Variants in NIN observed in about 807,000 individuals in gnomAD.
NIN encodes glycogen synthase kinase 3 beta-interacting protein.
A neutral mutation model predicts 257.6 loss-of-function variants in NIN; 137 were observed. The observed-to-expected ratio is 0.53, with a 90% confidence interval of 0.46 to 0.61. The LOEUF is 0.61. NIN is among the 20% of genes least tolerant of loss of function. The pLI is 0.00. For missense variants in NIN, 2,439 were observed against 2,501.2 expected (o/e 0.98, Z 0.53); for synonymous variants, 918 against 919.8 (o/e 1.00, Z 0.04).
At chr14:50,730,486 C>T (rs544787285) in intron 28 of NIN, among the ~76,000 whole-genome samples, 1 of 152,204 alleles carries the variant, frequency 6.6e-6, no homozygotes, top group South Asian at 2.1e-4. Context: ...CAAGACTAAA[C>T]TCAAGAAGCG....
intron 14 of NIN, among the ~76,000 whole-genome samples, chr14:50,765,208 G>T (rs1343243495): frequency 6.6e-6 from 1 of 152,028 alleles, no homozygotes; most frequent in East Asian, 1.9e-4. Flanking sequence ...CCGTACTCCA[G>T]CCTGGGTGAC....
intron 4 of NIN, among the ~76,000 whole-genome samples, chr14:50,801,797 T>C (rs922130048): frequency 3.3e-5 from 5 of 152,230 alleles, no homozygotes; most frequent in African/African-American, 1.2e-4. Flanking sequence ...GAAACAATCA[T>C]CTGTACCAAA....
At chr14:50,728,286 T>C (rs1389352056) in intron 29 of NIN, among the ~76,000 whole-genome samples, 1 of 152,190 alleles carries the variant, frequency 6.6e-6, no homozygotes, top group Non-Finnish European at 1.5e-5. Context: ...CATCTAACAC[T>C]CTACCATCAC....
chr14:50,762,390 C>G (rs2042307651), intron 15 of NIN, among the ~76,000 whole-genome samples: 1 of 152,196 alleles, frequency 6.6e-6, no homozygotes, highest in Non-Finnish European at 1.5e-5. Flanking sequence ...GTCACACTAT[C>G]AACAACCCAT....
chr14:50,803,033 A>G (rs2044164835), intron 4 of NIN, among the ~76,000 whole-genome samples: 1 of 152,238 alleles, frequency 6.6e-6, no homozygotes, highest in African/African-American at 2.4e-5. Flanking sequence ...TACCATCTCC[A>G]TTGATTTCAA....
rs1280843991 is a variant in NIN at position 50,758,062 on chromosome 14, T to C, written c.2968A>G (p.Met990Val). 2 of 1,614,130 alleles carry C rather than the reference T, an allele frequency of 1.2e-6. No homozygotes were observed. The highest frequency in any genetic ancestry group is 1.3e-5 in the African/African-American group (1 of 74,942). The change falls in exon 18 of 31, where the codon ATG becomes GTG. Residue 990 changes from methionine to valine, a missense_variant. Physicochemically the swap from Met to Val is conservative, Grantham distance 21. Coordinates refer to ENST00000530997, the MANE Select transcript of NIN (RefSeq NM_020921.4). ...RQEMMSKLLA[M>V]ENIHKATCET... Reference sequence around the variant, plus strand: ...CAGGTCGCTTTGTGAATGTTCTCCATGGCTAGAAGCTTGGACATCATTTCC... The same window carrying C: ...CAGGTCGCTTTGTGAATGTTCTCCACGGCTAGAAGCTTGGACATCATTTCC...
chr14:50,748,541 T>C (rs1452881246), intron 21 of NIN, among the ~76,000 whole-genome samples: 14 of 152,208 alleles, frequency 9.2e-5, no homozygotes, highest in Non-Finnish European at 7.3e-5. Flanking sequence ...TGTCTCTGTT[T>C]GCAGATGACG....
rs556448248 is a variant in NIN at position 50,820,226 on chromosome 14, G to A, written c.183+1648C>T. Reference sequence around the variant, plus strand: ...TAAGTATTCATTATTCAGGCAAATAGCAAGCGTCAGAAGCAGGCTGGTAGT... The same window carrying A: ...TAAGTATTCATTATTCAGGCAAATAACAAGCGTCAGAAGCAGGCTGGTAGT... On this transcript the variant is annotated intron_variant, in intron 3 of 30. Coordinates refer to ENST00000530997, the MANE Select transcript of NIN (RefSeq NM_020921.4). Among the ~76,000 whole-genome samples the A allele has an allele frequency of 1.2e-4, 18 of 152,282 alleles. No individual in the cohort carries two copies. The South Asian group carries it at 3.3e-3, about 28-fold the overall frequency.
In NIN at chr14:50,743,442, A is replaced by G. The variant is rs201212734; in HGVS notation, c.5275T>C (p.Ser1759Pro). 2.7e-5 allele frequency: 44 copies of G among 1,612,622 alleles called. No homozygotes were observed. The highest frequency in any genetic ancestry group is 3.5e-5 in the Non-Finnish European group (41 of 1,178,752). Residue 1759 changes from serine (S) to proline (P), a missense_variant, in exon 24 of 31, where the codon TCA (serine) becomes CCA (proline). Ser to Pro is a moderately conservative substitution (Grantham distance 74). Transcript: ENST00000530997. ...SWEHQSASLK[S>P]QLVASQEKVQ... Reference sequence around the variant, plus strand: ...TTTTCCTGAGAAGCCACCAGCTGTGACTTTAAGCTCGCACTCTGATGTTCC... The same window carrying G: ...TTTTCCTGAGAAGCCACCAGCTGTGGCTTTAAGCTCGCACTCTGATGTTCC...
intron 5 of NIN, 117 bp from the exon 6 acceptor site, chr14:50,778,921 T>A: frequency 1.9e-6 from 2 of 1,051,972 alleles, no homozygotes; most frequent in Non-Finnish European, 2.9e-6. Flanking sequence ...GTGAGTCACA[T>A]AATTTCAGGA....
intron 5 of NIN, among the ~76,000 whole-genome samples, chr14:50,786,692 A>G (rs1182714812): frequency 6.6e-6 from 1 of 152,244 alleles, no homozygotes; most frequent in Non-Finnish European, 1.5e-5. Flanking sequence ...AAATGGCATC[A>G]GCAATAAAAC....
chr14:50,807,254 T>C (rs2044372147), intron 3 of NIN, among the ~76,000 whole-genome samples: 1 of 152,194 alleles, frequency 6.6e-6, no homozygotes, highest in South Asian at 2.1e-4. Context: ...AAGCTGTCTT[T>C]TGAGGATGAC....
At chr14:50,752,047 T>TAATC (rs2041809429) in intron 21 of NIN, among the ~76,000 whole-genome samples, 1 of 152,080 alleles carries the variant, frequency 6.6e-6, no homozygotes, top group Non-Finnish European at 1.5e-5. Context: ...TTTTAACATA[T>TAATC]AATCAGTGTT....
In NIN at chr14:50,756,726, G is replaced by C; in HGVS notation, c.4304C>G (p.Thr1435Ser). The C allele has an allele frequency of 6.4e-7, 1 of 1,551,642 alleles. No homozygotes were observed. The highest frequency in any genetic ancestry group is 2.4e-5 in the East Asian group (1 of 40,922). Residue 1435 changes from threonine (T) to serine (S), a missense_variant, in exon 18 of 31, where the codon ACT (threonine) becomes AGT (serine). Thr to Ser is a moderately conservative substitution (Grantham distance 58). Around this residue, in one of 3 missense-constraint regions of NIN, gnomAD observed 2,043 missense variants for 2,050.2 expected, o/e 1.00. Transcript: ENST00000530997. ...VQNQVILEEN[T>S]TLLGFQDKHF... is the part of the protein sequence containing the mutation. The stretch of plus-strand genomic sequence containing the variant: ...TTTGTCTTGAAAGCCTAGGAGAGTA[G>C]TGTTTTCCTCCAGTATAACTTGATT...
In NIN at chr14:50,756,772, G is replaced by A. The variant is rs1008538343; in HGVS notation, c.4258C>T (p.Gln1420Ter). The change falls in exon 18 of 31, where the codon CAA becomes TAA. Residue 1420 changes from glutamine to a stop codon, truncating the protein, a stop_gained. Transcript: ENST00000530997. LOFTEE classifies it high-confidence loss of function. Reference protein sequence around the residue: ...AWLHGTIQTHQERPRVQNQVI... With the variant: ...AWLHGTIQTH ...TGATTCTGTACTCTTGGCCTTTCTT[G>A]ATGTGTCTGAATTGTTCCATGTAAC... 1.3e-6 allele frequency: 2 copies of A among 1,551,560 alleles called. No individual in the cohort carries two copies. Among genetic ancestry groups the A allele is most frequent in the Non-Finnish European group, 1.7e-6 (2 of 1,146,966 alleles).
chr14:50,746,430 C>T (rs183691761), intron 22 of NIN, among the ~76,000 whole-genome samples: 140 of 152,210 alleles, frequency 9.2e-4, no homozygotes, highest in African/African-American at 3.3e-3. Flanking sequence ...CTATTGAGTA[C>T]CAGTACTATA....
chr14:50,782,814 C>T (rs748491560), intron 5 of NIN, among the ~76,000 whole-genome samples: 2 of 152,148 alleles, frequency 1.3e-5, no homozygotes, highest in South Asian at 2.1e-4. Context: ...ACAGATGAGG[C>T]GGTTTGGTGG....
intron 27 of NIN, among the ~76,000 whole-genome samples, chr14:50,737,835 T>C (rs1017138199): frequency 2.0e-5 from 3 of 152,104 alleles, no homozygotes; most frequent in African/African-American, 7.2e-5. Flanking sequence ...TTAGTAGAGA[T>C]GGAGTTTTAC....
intron 5 of NIN, among the ~76,000 whole-genome samples, chr14:50,780,372 T>C (rs2043087201): frequency 6.6e-6 from 1 of 152,236 alleles, no homozygotes; most frequent in Non-Finnish European, 1.5e-5. Flanking sequence ...GACTAGTTGA[T>C]TGCTTAGAAT....
Sources: allele counts gnomAD v4.1 joint callset (sites outside exome capture counted in the v4.1 genomes callset), GRCh38; gene constraint gnomAD v4.1.1; regional missense constraint gnomAD v4.1.1; transcripts MANE v1.5; gene names NCBI Gene and HGNC (gene_info 2026-07-23, HGNC 2026-07-21).